The following PPFIBP2 variants were observed in gnomAD, a reference collection of about 807,000 sequenced individuals.
The protein encoded by PPFIBP2 is PPFIB scaffold protein 2.
In PPFIBP2, 118 loss-of-function variants were observed where a neutral mutation model predicts 118.3. The observed-to-expected ratio is 1.00, with a 90% CI of 0.86 to 1.16. The LOEUF (loss-of-function observed/expected upper bound fraction) is 1.16, where lower values mean the gene tolerates loss of function less well. Ranked by LOEUF, PPFIBP2 falls within the 50% of genes most tolerant of loss-of-function variation. The pLI, the probability that PPFIBP2 is intolerant of heterozygous loss-of-function variation, is 0.00. For missense variants in PPFIBP2, 1,195 were observed against 1,073.1 expected (o/e 1.11, Z -1.59); for synonymous variants, 414 against 397.4 (o/e 1.04, Z -0.50).
At chr11:7,574,090 C>G (rs1389608700) in intron 3 of PPFIBP2, 1 of 152,220 alleles carries the variant, frequency 6.6e-6, no homozygotes, top group Non-Finnish European at 1.5e-5. Context: ...CAGTGACTTT[C>G]CCCGGCAAAC....
intron 1 of PPFIBP2, among the ~76,000 whole-genome samples, chr11:7,536,704 T>C (rs968028688): frequency 6.6e-6 from 1 of 152,066 alleles, no homozygotes; most frequent in Admixed American, 6.5e-5. Context: ...CCGTATGTGT[T>C]GTGTAGCATC....
chr11:7,519,092 C>G (rs915215573), intron 1 of PPFIBP2, among the ~76,000 whole-genome samples: 5 of 151,994 alleles, frequency 3.3e-5, no homozygotes, highest in African/African-American at 9.7e-5. Context: ...GTGGGTACTG[C>G]TGACTGGGAA....
intron 4 of PPFIBP2, among the ~76,000 whole-genome samples, chr11:7,596,317 G>A (rs1352562682): frequency 6.6e-6 from 1 of 151,998 alleles, no homozygotes; most frequent in Non-Finnish European, 1.5e-5. Flanking sequence ...TTGGGCCACA[G>A]GGATTAATAA....
At chr11:7,666,455 G>A in the PPFIBP2 span, 2 of 1,607,436 alleles carry the variant, frequency 1.2e-6, no homozygotes, top group East Asian at 4.5e-5. Context: ...TCGTACCAAT[G>A]GGAGGCCTGT....
chr11:7,584,500 A>G (rs1001465965), intron 3 of PPFIBP2, among the ~76,000 whole-genome samples: 2 of 152,190 alleles, frequency 1.3e-5, no homozygotes, highest in Non-Finnish European at 2.9e-5. Context: ...ACACTGTGAC[A>G]AAGATGGTAG....
At chr11:7,627,890 A>G (rs906112363) in intron 8 of PPFIBP2, among the ~76,000 whole-genome samples, 4 of 152,126 alleles carry the variant, frequency 2.6e-5, no homozygotes, top group South Asian at 4.1e-4. Flanking sequence ...TCCTCTTCCT[A>G]CAATTTGTCA....
intron 5 of PPFIBP2, chr11:7,598,281 A>G (rs1445780384): frequency 3.1e-6 from 1 of 322,596 alleles, no homozygotes; most frequent in Non-Finnish European, 6.1e-6. Context: ...TGTATGCTTA[A>G]TATTATATTT....
intron 1 of PPFIBP2, among the ~76,000 whole-genome samples, chr11:7,534,558 T>C (rs1480772040): frequency 6.6e-6 from 1 of 152,186 alleles, no homozygotes; most frequent in Non-Finnish European, 1.5e-5. Flanking sequence ...GTAGCTTCCC[T>C]TGAAGGGTAA....
At chr11:7,555,897 G>A (rs1853561428) in intron 2 of PPFIBP2, among the ~76,000 whole-genome samples, 2 of 152,166 alleles carry the variant, frequency 1.3e-5, no homozygotes, top group South Asian at 2.1e-4. Context: ...TGTGGGCCTC[G>A]TGTATTCTTG....
At chr11:7,664,750 A>C in the PPFIBP2 span, among the ~76,000 whole-genome samples, 6 of 151,852 alleles carry the variant, frequency 4.0e-5, no homozygotes, top group South Asian at 1.0e-3. Flanking sequence ...CCTTGAAAGC[A>C]GTGAAGGATC....
At chr11:7,654,131 CTCTT>C (rs1252283070), downstream of PPFIBP2, among the ~76,000 whole-genome samples, 7 of 152,220 alleles carry the variant, frequency 4.6e-5, no homozygotes, top group Admixed American at 3.9e-4. Context: ...TGGAAAGACT[CTCTT>C]TCATGTGTTT....
At position 7,616,786 on chromosome 11, in the gene PPFIBP2, G is replaced by A. The variant is rs944878770; in HGVS notation, c.619-4149G>A. Among the ~76,000 whole-genome samples the A allele has an allele frequency of 6.6e-6, 1 of 151,848 alleles. No individual in the cohort carries two copies. Among genetic ancestry groups the A allele is most frequent in the Non-Finnish European group, 1.5e-5 (1 of 68,006 alleles). ...CGTGTTTGTGTGTGTGCCCCAGTGT[G>A]CACCCATCTCTGCTATTGCTTCTGC... On this transcript the variant is annotated intron_variant, in intron 6 of 23. Coordinates refer to ENST00000299492, the MANE Select transcript of PPFIBP2 (RefSeq NM_003621.5). The surrounding 1 kb of genome is among the most constrained non-coding windows in gnomAD (Gnocchi z 5.2).
At chr11:7,649,096 A>G (rs754361932) in intron 19 of PPFIBP2, 51 bp from the exon 20 acceptor site, 2 of 1,550,740 alleles carry the variant, frequency 1.3e-6, no homozygotes, top group Non-Finnish European at 1.8e-6. Flanking sequence ...TGGTGTCTAC[A>G]TTCTCTCATT....
intron 2 of PPFIBP2, among the ~76,000 whole-genome samples, chr11:7,555,041 T>C (rs559384812): frequency 3.9e-5 from 6 of 152,212 alleles, no homozygotes; most frequent in Admixed American, 1.3e-4. Context: ...CTGTTGACAA[T>C]TGAAATTGAA....
At chr11:7,614,738 A>G (rs1848441117) in intron 6 of PPFIBP2, among the ~76,000 whole-genome samples, 1 of 152,224 alleles carries the variant, frequency 6.6e-6, no homozygotes, top group Non-Finnish European at 1.5e-5. Context: ...TGAAAAAAGA[A>G]AGAACTAAGT....
chr11:7,666,408 G>A, the PPFIBP2 span: 2 of 1,295,438 alleles, frequency 1.5e-6, no homozygotes, highest in Middle Eastern at 2.4e-4. Flanking sequence ...GTGGTCAAGG[G>A]TTGGTGCTGA....
At position 7,565,606 on chromosome 11, in the gene PPFIBP2, T is replaced by G. The variant is rs777847000; in HGVS notation, c.118T>G (p.Ser40Ala). ...SDGTCEPGLA[S>A]PASYMNPFPV... ...TGGTACTTGTGAGCCTGGACTGGCT[T>G]CCCCGGCCTCCTACATGAACCCCTT... The change falls in exon 3 of 24, where the codon TCC (serine) becomes GCC (alanine). Residue 40 changes from serine to alanine, a missense_variant. Ser to Ala is a moderately conservative substitution (Grantham distance 99). Coordinates refer to ENST00000299492, the MANE Select transcript of PPFIBP2 (RefSeq NM_003621.5). The G allele has an allele frequency of 6.2e-7, 1 of 1,614,220 alleles. No individual in the cohort carries two copies. The highest frequency in any genetic ancestry group is 8.5e-7 in the Non-Finnish European group (1 of 1,180,038).
intron 5 of PPFIBP2, among the ~76,000 whole-genome samples, chr11:7,601,668 GT>G (rs1412902392): frequency 6.6e-6 from 1 of 152,170 alleles, no homozygotes; most frequent in Non-Finnish European, 1.5e-5. Flanking sequence ...ATTAAGAAGA[GT>G]TATTTCTCGG....
intron 2 of PPFIBP2, among the ~76,000 whole-genome samples, chr11:7,558,382 A>G (rs1172728154): frequency 1.3e-5 from 2 of 152,220 alleles, no homozygotes. Context: ...CCTACTATGA[A>G]TGCAAGTAGA....
Sources: allele counts gnomAD v4.1 joint callset (sites outside exome capture counted in the v4.1 genomes callset), GRCh38; gene constraint gnomAD v4.1.1; non-coding constraint Gnocchi (gnomAD v3.1); transcripts MANE v1.5; gene names NCBI Gene and HGNC (gene_info 2026-07-23, HGNC 2026-07-21).